Variants in UACA observed in about 807,000 individuals in gnomAD.
UACA encodes the protein nuclear membrane binding protein.
UACA carries 112 observed loss-of-function variants against 160.5 expected under a neutral mutation model. The ratio of observed to expected loss-of-function variants is 0.70; its 90% CI spans 0.60 to 0.82. The LOEUF (loss-of-function observed/expected upper bound fraction) is 0.82. Ranked by LOEUF, UACA falls within the 40% of genes least tolerant of loss-of-function variation. The probability of loss-of-function intolerance (pLI) is 0.00; values close to 1 mark genes in which losing one functional copy is unlikely to be tolerated. For synonymous variants in UACA, 557 were observed against 568.4 expected, an observed-to-expected ratio of 0.98 and a Z score of 0.29; for missense variants, 1,574 against 1,614.6, an observed-to-expected ratio of 0.97 and a Z score of 0.43.
chr15:70,697,947 G>A (rs1007828151), intron 2 of UACA, among the ~76,000 whole-genome samples: 1 of 152,170 alleles, frequency 6.6e-6, no homozygotes, highest in Non-Finnish European at 1.5e-5. Flanking sequence ...CTACTCAGGA[G>A]GCTGAGGCAG....
chr15:70,741,418 C>A (rs909139439), intron 1 of UACA, among the ~76,000 whole-genome samples: 3 of 152,166 alleles, frequency 2.0e-5, no homozygotes, highest in Non-Finnish European at 2.9e-5. Context: ...TAGTACCAAA[C>A]AAGGAACTGG....
At position 70,656,903 on chromosome 15, in the gene UACA, T is replaced by C. The variant is rs1000221049; in HGVS notation, c.*153A>G. On this transcript the variant is annotated 3_prime_UTR_variant, in exon 19 of 19. Coordinates refer to ENST00000322954, the MANE Select transcript of UACA (RefSeq NM_018003.4). ...ACTGATATTGAAAAAGACTAACATA[T>C]TCATCTAATTTTAAAAAAAAACCTA... The C allele has an allele frequency of 2.0e-6, 1 of 499,796 alleles. No homozygotes were observed. The highest frequency in any genetic ancestry group is 3.5e-6 in the Non-Finnish European group (1 of 282,022). 31.0% of individuals were successfully genotyped at this position (499,796 alleles called of 1,614,324 possible). A position where few individuals can be genotyped will look rare whatever the true frequency, so the allele number is the denominator to read the frequency against.
rs569998578 is a variant in UACA, at chr15:70,698,269, A to G, written c.212+1258T>C. 2.0e-5 allele frequency among the ~76,000 whole-genome samples: 3 copies of G among 152,336 alleles called. No individual in the cohort carries two copies. The South Asian group carries it at 6.2e-4, about 32-fold the overall frequency. ...AACATTCGAAGTATGAATGGGCAGA[A>G]CTGATTTCAGTGATATAGGTTTCAC... On this transcript the variant is annotated intron_variant, in intron 2 of 18. Transcript: ENST00000322954.
At chr15:70,713,821 GAT>G (rs1028729291) in intron 1 of UACA, among the ~76,000 whole-genome samples, 138 of 151,884 alleles carry the variant, frequency 9.1e-4, no homozygotes, top group African/African-American at 3.3e-3. Context: ...TAATATAATA[GAT>G]ATCTTATATA....
intron 17 of UACA, among the ~76,000 whole-genome samples, chr15:70,662,220 G>A (rs1415673787): frequency 6.6e-6 from 1 of 152,124 alleles, no homozygotes; most frequent in African/African-American, 2.4e-5. Context: ...ACCAATAACA[G>A]ACAAACAGAG....
At chr15:70,671,403 C>T (rs1897135790) in intron 14 of UACA, 1 of 191,152 alleles carries the variant, frequency 5.2e-6, no homozygotes, top group East Asian at 1.3e-4. Context: ...GATAATAAAA[C>T]ATATATCTTA....
At chr15:70,709,565 GA>G (rs1303930022) in intron 1 of UACA, among the ~76,000 whole-genome samples, 1 of 152,134 alleles carries the variant, frequency 6.6e-6, no homozygotes, top group Non-Finnish European at 1.5e-5. Flanking sequence ...GTGTATAAAT[GA>G]AAAGAGATAC....
rs963915788 is a variant in UACA at position 70,703,334 on chromosome 15, A to G, written c.79-3674T>C. 10 of 1,211,912 alleles carry G rather than the reference A, an allele frequency of 8.3e-6. No individual in the cohort carries two copies. In the East Asian group the frequency reaches 2.9e-4, roughly 35 times the overall value. The allele number at this position is 1,211,912 out of a possible 1,614,324, so 75.1% of individuals were successfully genotyped here. On this transcript the variant is annotated intron_variant, in intron 1 of 18. Coordinates refer to ENST00000322954, the MANE Select transcript of UACA (RefSeq NM_018003.4). ...ACAGGAAGGAAGTAGCTGCTATATT[A>G]TAGATCATGCTGCCAGTTAAAAATT...
rs199643973 is a variant in UACA, at chr15:70,687,614, C to G, written c.528G>C (p.Gln176His). ...DGRTPLVLAT[Q>H]MSRPTICQLL... Reference sequence around the variant, plus strand: ...GTTGACATATTGTTGGCCTACTCATCTGAGTAGCCAGAACAAGTGGTGTCC... The same window carrying G: ...GTTGACATATTGTTGGCCTACTCATGTGAGTAGCCAGAACAAGTGGTGTCC... Residue 176 changes from glutamine to histidine, a missense_variant, in exon 7 of 19, where the codon CAG becomes CAC. Gln to His is a conservative substitution (Grantham distance 24). Transcript: ENST00000322954. The G allele has an allele frequency of 1.2e-5, 20 of 1,613,926 alleles. No homozygotes were observed. Among genetic ancestry groups the G allele is most frequent in the Non-Finnish European group, 1.7e-5 (20 of 1,179,856 alleles).
At chr15:70,710,007 C>T (rs182601402) in intron 1 of UACA, among the ~76,000 whole-genome samples, 2 of 152,244 alleles carry the variant, frequency 1.3e-5, no homozygotes, top group Admixed American at 1.3e-4. Context: ...GGTGTGGTGG[C>T]TCTCGCCTAT....
At chr15:70,753,218 C>T (rs538414790) in intron 1 of UACA, among the ~76,000 whole-genome samples, 4 of 152,200 alleles carry the variant, frequency 2.6e-5, no homozygotes, top group African/African-American at 7.2e-5. Flanking sequence ...AAGAAATGAA[C>T]GCAGCCAATA....
chr15:70,757,239 C>A (rs1377280594), intron 1 of UACA, among the ~76,000 whole-genome samples: 3 of 152,038 alleles, frequency 2.0e-5, no homozygotes, highest in African/African-American at 7.2e-5. Flanking sequence ...TGACAATAAT[C>A]AAAATTATTG....
At chr15:70,744,109 G>A (rs1378702077) in intron 1 of UACA, among the ~76,000 whole-genome samples, 1 of 151,864 alleles carries the variant, frequency 6.6e-6, no homozygotes, top group Non-Finnish European at 1.5e-5. Flanking sequence ...GCCAGGCATA[G>A]TGGCGGGCGC....
intron 1 of UACA, among the ~76,000 whole-genome samples, chr15:70,747,713 C>A (rs1032431565): frequency 4.6e-5 from 7 of 152,078 alleles, no homozygotes; most frequent in African/African-American, 1.7e-4. Flanking sequence ...GTAGCAGTGC[C>A]TGGACTGAAA....
chr15:70,699,052 C>T lies in UACA; in HGVS notation c.212+475G>A, dbSNP rs188084167. On this transcript the variant is annotated intron_variant, in intron 2 of 18. Transcript: ENST00000322954. ...AAGCATTCTCATTTAAGTGAATTAC[C>T]CAAGTATAAAAATGGATTGGGGGTT... Among the ~76,000 whole-genome samples, 8 of 152,138 alleles carry T rather than the reference C, an allele frequency of 5.3e-5. No homozygotes were observed. In the East Asian group the frequency reaches 1.5e-3, roughly 29 times the overall value.
At chr15:70,682,442 T>A (rs1319448145) in intron 9 of UACA, among the ~76,000 whole-genome samples, 2 of 152,182 alleles carry the variant, frequency 1.3e-5, no homozygotes, top group Non-Finnish European at 1.5e-5. Context: ...TCTGCCAAGC[T>A]AAAGTTCATC....
At chr15:70,721,872 G>A (rs1005956556) in intron 1 of UACA, among the ~76,000 whole-genome samples, 1 of 152,008 alleles carries the variant, frequency 6.6e-6, no homozygotes, top group Non-Finnish European at 1.5e-5. Flanking sequence ...AAAAACAAGG[G>A]TACAGATTAT....
intron 11 of UACA, 86 bp from the exon 12 acceptor site, chr15:70,677,226 T>C (rs1466866733): frequency 1.7e-5 from 18 of 1,033,842 alleles, no homozygotes; most frequent in South Asian, 7.4e-5. Flanking sequence ...TTTAAAAAGA[T>C]TGGCAAATGT....
At chr15:70,767,272 AAAAC>A (rs1338907839), upstream of UACA, among the ~76,000 whole-genome samples, 2 of 123,570 alleles carry the variant, frequency 1.6e-5, no homozygotes, top group Non-Finnish European at 3.3e-5. Flanking sequence ...AACAAAAACA[AAAAC>A]AACAACAATA....
Sources: gnomAD v4.1 joint callset for allele counts (sites outside exome capture counted in the v4.1 genomes callset) on GRCh38, gnomAD v4.1.1 for gene constraint, MANE v1.5 for transcripts, NCBI Gene and HGNC (gene_info 2026-07-23, HGNC 2026-07-21) for gene names.